HIVEP3: variants seen among roughly 807,000 people sequenced by gnomAD.
HIVEP3 encodes HIVEP zinc finger 3.
HIVEP3 carries 49 observed loss-of-function variants against 152.8 expected under a neutral mutation model. That is an observed-to-expected ratio of 0.32 (90% CI 0.26 to 0.41). The LOEUF is 0.41. Among genes scored for constraint, HIVEP3 ranks in the 10% least tolerant of loss-of-function variants. HIVEP3 has a pLI of 1.00. For synonymous variants in HIVEP3, 1,269 were observed against 1,289.0 expected (o/e 0.98, Z 0.33); for missense variants, 2,790 against 3,103.3 (o/e 0.90, Z 2.40).
chr1:41,684,367 G>A (rs1280741071), intron 2 of HIVEP3, among the ~76,000 whole-genome samples: 1 of 152,176 alleles, frequency 6.6e-6, no homozygotes, highest in African/African-American at 2.4e-5. Context: ...CCTTCCCAAG[G>A]CTGCAGCTGC....
At chr1:41,971,826 C>T (rs1049823408) in intron 1 of HIVEP3, among the ~76,000 whole-genome samples, 4 of 152,090 alleles carry the variant, frequency 2.6e-5, no homozygotes, top group East Asian at 3.9e-4. Context: ...GGTGATAGAC[C>T]ATGACAGCTC....
intron 3 of HIVEP3, among the ~76,000 whole-genome samples, chr1:41,626,054 A>T (rs1361149106): frequency 6.6e-6 from 1 of 152,224 alleles, no homozygotes. Context: ...TTCAGAAAGC[A>T]CATTTATTCT....
chr1:41,651,938 G>A (rs989540357), intron 2 of HIVEP3, among the ~76,000 whole-genome samples: 4 of 152,164 alleles, frequency 2.6e-5, no homozygotes, highest in Non-Finnish European at 5.9e-5. Flanking sequence ...ACTTGGCTAT[G>A]TTTTTAGTTA....
intron 2 of HIVEP3, among the ~76,000 whole-genome samples, chr1:41,667,379 C>G (rs1477969882): frequency 2.6e-5 from 4 of 152,270 alleles, no homozygotes; most frequent in African/African-American, 9.6e-5. Context: ...AGACCTGGGT[C>G]TGGCCTAAGC....
intron 1 of HIVEP3, among the ~76,000 whole-genome samples, chr1:41,804,751 C>A (rs1274802199): frequency 6.6e-6 from 1 of 152,164 alleles, no homozygotes; most frequent in African/African-American, 2.4e-5. Context: ...TTAATTGTGG[C>A]AGACTCATGC....
intron 1 of HIVEP3, among the ~76,000 whole-genome samples, chr1:41,805,367 C>T (rs1209394848): frequency 6.6e-6 from 1 of 152,212 alleles, no homozygotes; most frequent in Non-Finnish European, 1.5e-5. Context: ...AAATCAACTA[C>T]ATGAAACAAT....
chr1:41,982,781 C>T (rs2124511043), intron 1 of HIVEP3, among the ~76,000 whole-genome samples: 1 of 152,194 alleles, frequency 6.6e-6, no homozygotes, highest in East Asian at 1.9e-4. Flanking sequence ...AGGTCTTGGC[C>T]AATTGAAAGA....
At chr1:41,782,542 G>A (rs1272213915) in intron 1 of HIVEP3, among the ~76,000 whole-genome samples, 2 of 152,072 alleles carry the variant, frequency 1.3e-5, no homozygotes, top group Non-Finnish European at 2.9e-5. Context: ...GACAAGCCTG[G>A]CCAACATGGT....
intron 1 of HIVEP3, among the ~76,000 whole-genome samples, chr1:41,761,496 G>C (rs927761829): frequency 1.3e-5 from 2 of 152,020 alleles, no homozygotes; most frequent in African/African-American, 4.8e-5. Flanking sequence ...GTATGTGCAT[G>C]TATGCTTGTA....
chr1:41,710,329 GA>G (rs1303067740), intron 1 of HIVEP3, among the ~76,000 whole-genome samples: 6 of 152,310 alleles, frequency 3.9e-5, no homozygotes, highest in Admixed American at 1.3e-4. Context: ...GAAGCACAGA[GA>G]AGAGCAAGGG....
chr1:41,992,582 T>C (rs1032492209), intron 1 of HIVEP3, among the ~76,000 whole-genome samples: 2 of 147,992 alleles, frequency 1.4e-5, no homozygotes, highest in Non-Finnish European at 3.0e-5. Flanking sequence ...CCCAAGGTAA[T>C]TTACAGATTC....
chr1:41,995,705 T>A (rs1557554560), intron 1 of HIVEP3, among the ~76,000 whole-genome samples: 1 of 152,200 alleles, frequency 6.6e-6, no homozygotes, highest in African/African-American at 2.4e-5. Context: ...GGGAGGTAAG[T>A]GGAGTTAATG....
Position 41,739,971 on chromosome 1 carries a change from C to A in HIVEP3, c.-800-38976G>T, listed in dbSNP as rs546781389. 7.2e-5 allele frequency among the ~76,000 whole-genome samples: 11 copies of A among 152,342 alleles called. No individual in the cohort carries two copies. The South Asian group carries it at 2.3e-3, about 32-fold the overall frequency. The stretch of plus-strand genomic sequence containing the variant: ...CCCAGCCACAAACAGCCCTTTCCTA[C>A]CCACAACCACGGCATAACCAGGAAG... On this transcript the variant is annotated intron_variant, in intron 1 of 8. Coordinates refer to ENST00000372583, the MANE Select transcript of HIVEP3 (RefSeq NM_024503.5).
intron 2 of HIVEP3, among the ~76,000 whole-genome samples, chr1:41,699,416 C>T (rs560364204): frequency 1.3e-5 from 2 of 152,326 alleles, no homozygotes; most frequent in African/African-American, 4.8e-5. Context: ...ACTGTAAAAC[C>T]ATAGAATTGC....
intron 3 of HIVEP3, among the ~76,000 whole-genome samples, chr1:41,604,029 C>T (rs907222129): frequency 5.3e-5 from 8 of 152,212 alleles, no homozygotes; most frequent in East Asian, 1.9e-4. Context: ...AACAAAATGA[C>T]GCCAAGTGTT....
At chr1:41,535,005 G>T (rs2810557) in intron 5 of HIVEP3, among the ~76,000 whole-genome samples, 7 of 152,122 alleles carry the variant, frequency 4.6e-5, no homozygotes, top group South Asian at 4.1e-4. Context: ...GGCAGAGCAC[G>T]GTCACATGGC....
chr1:41,780,267 C>T (rs372943928), intron 1 of HIVEP3, among the ~76,000 whole-genome samples: 29 of 25,354 alleles, frequency 1.1e-3, no homozygotes, highest in Non-Finnish European at 1.7e-3. Context: ...ATTTGTGGGG[C>T]GTGGGGGTGG....
chr1:41,896,558 T>C (rs1644530022), intron 1 of HIVEP3, among the ~76,000 whole-genome samples: 1 of 151,242 alleles, frequency 6.6e-6, no homozygotes. Context: ...CAAAAAGGCA[T>C]GCTTTTTACT....
chr1:41,904,350 G>C (rs760408695), intron 1 of HIVEP3, among the ~76,000 whole-genome samples: 4 of 152,180 alleles, frequency 2.6e-5, no homozygotes, highest in Admixed American at 1.3e-4. Context: ...GACTGTAAAA[G>C]AGGTCCTGAC....
Sources: allele counts gnomAD v4.1 joint callset (sites outside exome capture counted in the v4.1 genomes callset), GRCh38; gene constraint gnomAD v4.1.1; transcripts MANE v1.5; gene names NCBI Gene and HGNC (gene_info 2026-07-23, HGNC 2026-07-21).